ITSN1: variants seen among roughly 807,000 people sequenced by gnomAD.
ITSN1 encodes the protein intersectin-1.
In ITSN1, 58 loss-of-function variants were observed where a neutral mutation model predicts 239.8. That is an observed-to-expected ratio of 0.24 (90% confidence interval 0.20 to 0.30). The LOEUF (loss-of-function observed/expected upper bound fraction) is 0.30. Ranked by LOEUF, ITSN1 falls within the 10% of genes least tolerant of loss-of-function variation. The probability of loss-of-function intolerance (pLI) is 1.00; values close to 1 mark genes in which losing one functional copy is unlikely to be tolerated. For synonymous variants in ITSN1, 780 were observed against 770.8 expected, an observed-to-expected ratio of 1.01 and a Z score of -0.20; for missense variants, 1,558 against 2,103.3, an observed-to-expected ratio of 0.74 and a Z score of 5.07.
intron 1 of ITSN1, among the ~76,000 whole-genome samples, chr21:33,691,536 C>A (rs558781379): frequency 6.6e-6 from 1 of 152,220 alleles, no homozygotes; most frequent in African/African-American, 2.4e-5. Flanking sequence ...AGTCAAGTAG[C>A]AGAATATGGT....
intron 5 of ITSN1, among the ~76,000 whole-genome samples, chr21:33,741,401 G>A (rs1427997551): frequency 6.6e-6 from 1 of 152,160 alleles, no homozygotes; most frequent in Non-Finnish European, 1.5e-5. Flanking sequence ...AGGTAAACCT[G>A]ATACATGTTG....
chr21:33,692,803 C>T (rs772975693), intron 1 of ITSN1, among the ~76,000 whole-genome samples: 10 of 151,268 alleles, frequency 6.6e-5, no homozygotes, highest in East Asian at 5.8e-4. Context: ...CGGAGTTTTG[C>T]TCTGTCACCC....
chr21:33,677,600 A>G lies in ITSN1; in HGVS notation c.-33+34887A>G, dbSNP rs113111554. Among the ~76,000 whole-genome samples, 26 of 152,188 alleles carry G rather than the reference A, an allele frequency of 1.7e-4. 1 individual carries two copies. Among genetic ancestry groups the G allele is most frequent in the African/African-American group, 5.5e-4 (23 of 41,490 alleles). On this transcript the variant is annotated intron_variant, in intron 1 of 39. Coordinates refer to ENST00000381318, the MANE Select transcript of ITSN1 (RefSeq NM_003024.3). ...AGTGATCCACCCGCCTAGGCCTCCC[A>G]AAGTGCTGGGATTACAGACTTGAGC...
chr21:33,790,602 C>T (rs868809368), intron 16 of ITSN1, among the ~76,000 whole-genome samples: 1 of 152,128 alleles, frequency 6.6e-6, no homozygotes, highest in African/African-American at 2.4e-5. Flanking sequence ...AAAAAAATCA[C>T]TTAACTTTAG....
intron 1 of ITSN1, among the ~76,000 whole-genome samples, chr21:33,646,147 A>G (rs371669651): frequency 1.3e-5 from 2 of 152,232 alleles, no homozygotes; most frequent in Non-Finnish European, 1.5e-5. Flanking sequence ...TTTTTTTAGT[A>G]GTCACTGATT....
intron 36 of ITSN1, among the ~76,000 whole-genome samples, chr21:33,884,558 G>C: frequency 6.6e-6 from 1 of 152,166 alleles, no homozygotes; most frequent in East Asian, 1.9e-4. Context: ...TGTGCATATG[G>C]TTCTCAGAAA....
At position 33,782,126 on chromosome 21, in the gene ITSN1, A is replaced by G; in HGVS notation, c.1817A>G (p.Gln606Arg). 6.2e-7 allele frequency: 1 copy of G among 1,613,676 alleles called. No homozygotes were observed. The highest frequency in any genetic ancestry group is 8.5e-7 in the Non-Finnish European group (1 of 1,179,838). The change falls in exon 16 of 40, where the codon CAG becomes CGG. Residue 606 changes from glutamine to arginine, a missense_variant. Coordinates refer to ENST00000381318, the MANE Select transcript of ITSN1 (RefSeq NM_003024.3). ...KLQEIDIFNNQLKELREIHNK... is the reference protein window; with the variant it reads ...KLQEIDIFNNRLKELREIHNK... ...CAGGAGATTGATATTTTCAATAATC[A>G]GCTGAAGGTAACTCTTCTATGTGTG...
chr21:33,696,234 C>T (rs1195072521), intron 1 of ITSN1, among the ~76,000 whole-genome samples: 1 of 152,080 alleles, frequency 6.6e-6, no homozygotes, highest in African/African-American at 2.4e-5. Flanking sequence ...AAATAATCTT[C>T]AGCTGTAGCA....
chr21:33,645,403 G>A (rs2087843128), intron 1 of ITSN1, among the ~76,000 whole-genome samples: 1 of 152,166 alleles, frequency 6.6e-6, no homozygotes, highest in Non-Finnish European at 1.5e-5. Context: ...AACACTTTGG[G>A]AGGCTGAAGT....
chr21:33,646,135 A>G (rs937534714), intron 1 of ITSN1, among the ~76,000 whole-genome samples: 1 of 152,128 alleles, frequency 6.6e-6, no homozygotes, highest in African/African-American at 2.4e-5. Context: ...TTACAAAAAA[A>G]TTTTTTTTAG....
chr21:33,737,666 C>T (rs1006885734), intron 5 of ITSN1, among the ~76,000 whole-genome samples: 5 of 152,032 alleles, frequency 3.3e-5, no homozygotes, highest in South Asian at 2.1e-4. Context: ...CTCTGCCTCC[C>T]GGGTTCAAGC....
In ITSN1 at chr21:33,826,687, C is replaced by A. The variant is rs1047258459; in HGVS notation, c.3184-131C>A. 24 of 713,936 alleles carry A rather than the reference C, an allele frequency of 3.4e-5. No individual in the cohort carries two copies. In the Admixed American group the frequency reaches 3.9e-4, roughly 12 times the overall value. The allele number at this position is 713,936 out of a possible 1,614,324, so 44.2% of individuals were successfully genotyped here. ...ATCTATATCCTTGTGTCAGGTGATA[C>A]AGTGCTATGTTTTCCCAGAATGAAA... On this transcript the variant is annotated intron_variant, in intron 25 of 39. Coordinates refer to ENST00000381318, the MANE Select transcript of ITSN1 (RefSeq NM_003024.3).
intron 1 of ITSN1, among the ~76,000 whole-genome samples, chr21:33,681,664 TTTTG>T (rs2090966170): frequency 6.6e-6 from 1 of 150,836 alleles, no homozygotes; most frequent in South Asian, 2.1e-4. Context: ...TTATTTTTTG[TTTTG>T]TTTTTGTTTT....
chr21:33,883,762 C>T, intron 36 of ITSN1, 91 bp downstream of exon 36: 7 of 1,474,494 alleles, frequency 4.7e-6, no homozygotes, highest in Non-Finnish European at 6.5e-6. Context: ...GCCAATGTTT[C>T]CCAAGTGGCA....
intron 2 of ITSN1, among the ~76,000 whole-genome samples, chr21:33,720,319 C>G (rs977634990): frequency 6.6e-6 from 1 of 152,238 alleles, no homozygotes; most frequent in Non-Finnish European, 1.5e-5. Flanking sequence ...GTGCTGGGCA[C>G]ATTCACATTT....
intron 5 of ITSN1, among the ~76,000 whole-genome samples, chr21:33,736,214 T>A (rs1026150800): frequency 2.0e-5 from 3 of 152,192 alleles, no homozygotes; most frequent in Non-Finnish European, 4.4e-5. Flanking sequence ...CTAGAGTTTC[T>A]TTTCATCTCT....
chr21:33,645,644 CCTGTGT>C (rs796587931), intron 1 of ITSN1, among the ~76,000 whole-genome samples: 11 of 152,132 alleles, frequency 7.2e-5, no homozygotes, highest in African/African-American at 2.7e-4. Flanking sequence ...AGAGAGCGAG[CCTGTGT>C]CCAAAAAGTA....
At chr21:33,829,153 G>A (rs2074145139) in intron 26 of ITSN1, 1 of 384,094 alleles carries the variant, frequency 2.6e-6, no homozygotes, top group African/African-American at 2.1e-5. Flanking sequence ...GAGGAAAATG[G>A]GCTTCTCTTT....
intron 20 of ITSN1, among the ~76,000 whole-genome samples, chr21:33,807,370 GCT>G (rs1320263954): frequency 2.6e-5 from 4 of 152,122 alleles, no homozygotes; most frequent in African/African-American, 9.7e-5. Context: ...CCAGTGTCTC[GCT>G]CTGTTACTCA....
Sources: allele counts gnomAD v4.1 joint callset (sites outside exome capture counted in the v4.1 genomes callset), GRCh38; gene constraint gnomAD v4.1.1; transcripts MANE v1.5; gene names NCBI Gene and HGNC (gene_info 2026-07-23, HGNC 2026-07-21).